LCLAT1: variants seen among roughly 807,000 people sequenced by gnomAD.
The protein encoded by LCLAT1 is lysocardiolipin acyltransferase 1, also known as 1-AGP acyltransferase 8.
In LCLAT1, 11 loss-of-function variants were observed where a neutral mutation model predicts 30.7. The ratio of observed to expected loss-of-function variants is 0.36; its 90% CI spans 0.23 to 0.59. The LOEUF is 0.59. Ranked by LOEUF, LCLAT1 falls within the 20% of genes least tolerant of loss-of-function variation. The pLI is 0.77. For synonymous variants in LCLAT1, 155 were observed against 151.3 expected, an observed-to-expected ratio of 1.02 and a Z score of -0.18; for missense variants, 402 against 458.6, an observed-to-expected ratio of 0.88 and a Z score of 1.13.
At chr2:30,622,300 T>C (rs1476200583) in intron 5 of LCLAT1, among the ~76,000 whole-genome samples, 1 of 152,172 alleles carries the variant, frequency 6.6e-6, no homozygotes, top group Admixed American at 6.5e-5. Context: ...CTGACTTCAC[T>C]TGATGGTCTT....
intron 3 of LCLAT1, among the ~76,000 whole-genome samples, chr2:30,546,440 T>C (rs2148416996): frequency 6.6e-6 from 1 of 152,314 alleles, no homozygotes; most frequent in South Asian, 2.1e-4. Flanking sequence ...TTTACCTTTT[T>C]AGTACACTAT....
intron 5 of LCLAT1, among the ~76,000 whole-genome samples, chr2:30,610,989 G>A (rs1390811787): frequency 7.3e-6 from 1 of 137,100 alleles, no homozygotes; most frequent in African/African-American, 2.7e-5. Context: ...GTTTAATTTT[G>A]TTTTTTTTTC....
At chr2:30,489,144 A>G (rs1325187539) in intron 1 of LCLAT1, 1 of 152,154 alleles carries the variant, frequency 6.6e-6, no homozygotes, top group Non-Finnish European at 1.5e-5. Flanking sequence ...CTTATTACAG[A>G]CATTTCATAT....
chr2:30,622,615 T>C (rs1295787257), intron 5 of LCLAT1, among the ~76,000 whole-genome samples: 2 of 152,090 alleles, frequency 1.3e-5, no homozygotes, highest in Non-Finnish European at 2.9e-5. Context: ...CACTTGAAAA[T>C]GGATTACATC....
At chr2:30,601,730 A>T (rs1312581623) in intron 5 of LCLAT1, among the ~76,000 whole-genome samples, 2 of 149,750 alleles carry the variant, frequency 1.3e-5, no homozygotes, top group Admixed American at 6.6e-5. Context: ...ACTTTCTTTA[A>T]TGCAATGCCA....
Position 30,568,117 on chromosome 2 carries a change from A to G in LCLAT1, c.569A>G (p.Glu190Gly), listed in dbSNP as rs1665584734. 2 of 1,609,796 alleles carry G rather than the reference A, an allele frequency of 1.2e-6. No individual in the cohort carries two copies. The highest frequency in any genetic ancestry group is 1.7e-5 in the Admixed American group (1 of 59,548). ...GAAAAAAATGGACTTCAGAAATATG[A>G]ATATGTTTTACATCCAAGAACTACA... ...FAEKNGLQKY[E>G]YVLHPRTTGF... Residue 190 changes from glutamate to glycine, a missense_variant, in exon 5 of 6, where the codon GAA (glutamate) becomes GGA (glycine). Glu to Gly is a moderately conservative substitution (Grantham distance 98). Coordinates refer to ENST00000379509, the MANE Select transcript of LCLAT1 (RefSeq NM_001002257.3).
At chr2:30,598,686 T>G (rs1667041307) in intron 5 of LCLAT1, among the ~76,000 whole-genome samples, 2 of 152,176 alleles carry the variant, frequency 1.3e-5, no homozygotes, top group Admixed American at 6.5e-5. Flanking sequence ...ATTTCTTGTC[T>G]TCTGCTAGCT....
chr2:30,559,886 GTTAA>G (rs1398712528), intron 3 of LCLAT1, among the ~76,000 whole-genome samples: 1 of 152,160 alleles, frequency 6.6e-6, no homozygotes, highest in African/African-American at 2.4e-5. Context: ...ATTGTAACTT[GTTAA>G]TTAATAATAG....
At chr2:30,517,495 C>T (rs1446367126) in intron 1 of LCLAT1, among the ~76,000 whole-genome samples, 1 of 152,234 alleles carries the variant, frequency 6.6e-6, no homozygotes, top group Non-Finnish European at 1.5e-5. Context: ...GCAATGCAAT[C>T]TCCAAGCCTC....
intron 1 of LCLAT1, among the ~76,000 whole-genome samples, chr2:30,516,773 T>G (rs1178135348): frequency 6.6e-6 from 1 of 152,186 alleles, no homozygotes; most frequent in Non-Finnish European, 1.5e-5. Context: ...GACTTGCTAT[T>G]CTGTCCTATC....
At position 30,565,953 on chromosome 2, in the gene LCLAT1, G is replaced by A. The variant is rs574054112; in HGVS notation, c.512-2107G>A. On this transcript the variant is annotated intron_variant, in intron 4 of 5. Coordinates refer to ENST00000379509, the MANE Select transcript of LCLAT1 (RefSeq NM_001002257.3). The stretch of plus-strand genomic sequence containing the variant: ...TGAAGGGAGGAGCAGCAACTGCACC[G>A]ATCCTGAGGTGGGAACATGCCCAGC... Among the ~76,000 whole-genome samples, 4 of 152,138 alleles carry A rather than the reference G, an allele frequency of 2.6e-5. No homozygotes were observed. In the South Asian group the frequency reaches 6.2e-4, roughly 24 times the overall value.
intron 3 of LCLAT1, among the ~76,000 whole-genome samples, chr2:30,557,293 T>C (rs1441813863): frequency 6.9e-6 from 1 of 145,302 alleles, no homozygotes; most frequent in East Asian, 2.0e-4. Context: ...CGTGTGTGTG[T>C]GTGTGTGTGT....
At chr2:30,505,093 A>G (rs531530695) in intron 1 of LCLAT1, among the ~76,000 whole-genome samples, 21 of 152,306 alleles carry the variant, frequency 1.4e-4, no homozygotes, top group African/African-American at 5.1e-4. Flanking sequence ...CTCTCTCCCC[A>G]TCAGTGGACA....
At chr2:30,565,346 A>T (rs1366372943) in intron 4 of LCLAT1, among the ~76,000 whole-genome samples, 1 of 152,014 alleles carries the variant, frequency 6.6e-6, no homozygotes. Flanking sequence ...TTTTTCTGTT[A>T]AGGTCTTCAT....
At chr2:30,527,970 C>G (rs1412610253) in intron 2 of LCLAT1, among the ~76,000 whole-genome samples, 2 of 152,176 alleles carry the variant, frequency 1.3e-5, no homozygotes, top group Admixed American at 6.5e-5. Flanking sequence ...CTGATGTCAT[C>G]AAAGGGTTCA....
intron 5 of LCLAT1, among the ~76,000 whole-genome samples, chr2:30,574,907 T>A (rs1665930286): frequency 1.3e-5 from 2 of 152,210 alleles, no homozygotes; most frequent in African/African-American, 4.8e-5. Context: ...TGCCAGCATG[T>A]CCTTAGAAAA....
chr2:30,473,714 T>C (rs1237427970), intron 1 of LCLAT1, among the ~76,000 whole-genome samples: 1 of 152,222 alleles, frequency 6.6e-6, no homozygotes, highest in Non-Finnish European at 1.5e-5. Flanking sequence ...CTCAGTTGTT[T>C]TAACTGTTTA....
At chr2:30,591,661 A>G (rs1473338023) in intron 5 of LCLAT1, among the ~76,000 whole-genome samples, 3 of 152,180 alleles carry the variant, frequency 2.0e-5, no homozygotes, top group Non-Finnish European at 4.4e-5. Context: ...AGGCTCTGAA[A>G]AAACCAAAGT....
At chr2:30,627,490 C>T (rs888094951) in intron 5 of LCLAT1, among the ~76,000 whole-genome samples, 1 of 152,180 alleles carries the variant, frequency 6.6e-6, no homozygotes, top group Non-Finnish European at 1.5e-5. Flanking sequence ...GCTGCCCGTA[C>T]TTAGACTTAC....
Sources: allele counts gnomAD v4.1 joint callset (sites outside exome capture counted in the v4.1 genomes callset), GRCh38; gene constraint gnomAD v4.1.1; transcripts MANE v1.5; gene names NCBI Gene and HGNC (gene_info 2026-07-23, HGNC 2026-07-21).